Variants in PCDHGA1 observed in about 807,000 individuals in gnomAD.
PCDHGA1 encodes protocadherin gamma subfamily A, 1, also known as protocadherin gamma-A1.
In PCDHGA1, 32 loss-of-function variants were observed where a neutral mutation model predicts 58.0. The observed-to-expected ratio is 0.55, with a 90% CI of 0.42 to 0.74. The LOEUF is 0.74. Ranked by LOEUF, PCDHGA1 falls within the 30% of genes least tolerant of loss-of-function variation. The pLI is 0.00. For missense variants in PCDHGA1, 1,205 were observed against 1,182.3 expected, an observed-to-expected ratio of 1.02 and a Z score of -0.28; for synonymous variants, 498 against 501.1, an observed-to-expected ratio of 0.99 and a Z score of 0.08.
rs201470140 is a variant in PCDHGA1 at position 141,340,536 on chromosome 5, A to T, written c.2421+7431A>T. On this transcript the variant is annotated intron_variant, in intron 1 of 3. Transcript: ENST00000517417. ...CTCTATGCACTGCGCTCCTTTGATT[A>T]TGAGCAGTTGCGAGACTTGCAAGTG... 2.4e-4 allele frequency: 392 copies of T among 1,614,234 alleles called. 4 individuals are homozygous for T. In the Admixed American group the frequency reaches 6.3e-3, roughly 26 times the overall value.
intron 2 of PCDHGA1, among the ~76,000 whole-genome samples, chr5:141,498,789 C>T (rs1302940884): frequency 6.6e-6 from 1 of 151,980 alleles, no homozygotes; most frequent in Non-Finnish European, 1.5e-5. Context: ...AAATATTAGC[C>T]AGGTGTGGTG....
intron 1 of PCDHGA1, chr5:141,418,432 T>A: frequency 6.2e-7 from 1 of 1,613,956 alleles, no homozygotes; most frequent in East Asian, 2.2e-5. Context: ...GTGGCAAATA[T>A]CCAGAATTAG....
At chr5:141,364,779 C>T (rs1036037278) in intron 1 of PCDHGA1, 1 of 1,613,980 alleles carries the variant, frequency 6.2e-7, no homozygotes, top group East Asian at 2.2e-5. Flanking sequence ...GCTGCAGGGA[C>T]ACGGTTAGTG....
At chr5:141,415,569 A>G (rs962518094) in intron 1 of PCDHGA1, 12 of 1,614,092 alleles carry the variant, frequency 7.4e-6, no homozygotes, top group Non-Finnish European at 1.0e-5. Flanking sequence ...TGTCTTTGTT[A>G]GATGATTCGA....
chr5:141,489,991 A>G lies in PCDHGA1; in HGVS notation c.2422-4816A>G, dbSNP rs1157441385. On this transcript the variant is annotated intron_variant, in intron 1 of 3. Coordinates refer to ENST00000517417, the MANE Select transcript of PCDHGA1 (RefSeq NM_018912.3). The surrounding 1 kb of genome is among the most constrained non-coding windows in gnomAD (Gnocchi z 4.5). Reference sequence around the variant, plus strand: ...CCAATCCTCAGTTCTACGTGTGGGAATCCCAGAGAATGCACCCATTGGTAC... The same window carrying G: ...CCAATCCTCAGTTCTACGTGTGGGAGTCCCAGAGAATGCACCCATTGGTAC... The G allele has an allele frequency of 6.2e-7, 1 of 1,614,228 alleles. No individual in the cohort carries two copies. Among genetic ancestry groups the G allele is most frequent in the South Asian group, 1.1e-5 (1 of 91,090 alleles).
chr5:141,366,258 TG>T (rs758170088), intron 1 of PCDHGA1: 16 of 1,613,596 alleles, frequency 9.9e-6, no homozygotes, highest in Non-Finnish European at 1.4e-5. Flanking sequence ...CAGAGCCTCG[TG>T]GTGGCCGTCG....
chr5:141,438,613 TATATATATATATATATATATATAC>T (rs1240061633), intron 1 of PCDHGA1, among the ~76,000 whole-genome samples: 627 of 36,484 alleles, frequency 0.017, 21 homozygotes, highest in African/African-American at 0.051. Flanking sequence ...TATATATATA[TATATATATATATATATATATATAC>T]ACACACACAC....
chr5:141,499,457 T>G (rs1000400491), intron 2 of PCDHGA1, among the ~76,000 whole-genome samples: 1 of 152,214 alleles, frequency 6.6e-6, no homozygotes, highest in African/African-American at 2.4e-5. Context: ...CCCATCATTT[T>G]ACAATCTAGG....
Position 141,395,079 on chromosome 5 carries a change from G to A in PCDHGA1, c.2421+61974G>A, listed in dbSNP as rs777930721. On this transcript the variant is annotated intron_variant, in intron 1 of 3. Coordinates refer to ENST00000517417, the MANE Select transcript of PCDHGA1 (RefSeq NM_018912.3). ...GGCTTTCCTGCAGACCTATTCCCAG[G>A]AAGTCTCCCTCACCGCCGACTCGCG... 4.0e-5 allele frequency: 65 copies of A among 1,614,024 alleles called. 1 individual carries two copies. In the Middle Eastern group the frequency reaches 6.6e-4, roughly 16 times the overall value.
chr5:141,419,785 G>T, intron 1 of PCDHGA1: 2 of 1,614,052 alleles, frequency 1.2e-6, no homozygotes, highest in Non-Finnish European at 1.7e-6. Flanking sequence ...GCCAGCGCCT[G>T]CTAGTCGCTG....
In PCDHGA1 at chr5:141,366,622, G is replaced by GC. The variant is rs757320555; in HGVS notation, c.2421+33517_2421+33518insC. The GC allele has an allele frequency of 1.3e-5, 21 of 1,614,240 alleles. No individual in the cohort carries two copies. The East Asian group carries it at 4.5e-4, about 34-fold the overall frequency. On this transcript the variant is annotated intron_variant, in intron 1 of 3. Coordinates refer to ENST00000517417, the MANE Select transcript of PCDHGA1 (RefSeq NM_018912.3). The stretch of plus-strand genomic sequence containing the variant: ...AGGTCTCCCTCACCGCGGACTCGAG[G>GC]AAGAGTCACCTGATCTTTCCCCAGC...
rs1350019725 is a variant in PCDHGA1 at position 141,331,483 on chromosome 5, A to C, written c.799A>C (p.Thr267Pro). ...TACTCAGCTGCTCATGGTAAATGCC[A>C]CTGACCCTGATGAGGGAGCCAATGG... The part of the protein sequence containing the change: ...LGTQLLMVNA[T>P]DPDEGANGEV... Residue 267 changes from threonine to proline, a missense_variant, in exon 1 of 4, where the codon ACT becomes CCT. Physicochemically the swap from Thr to Pro is conservative, Grantham distance 38 (BLOSUM62 -1). Transcript: ENST00000517417. 6.2e-7 allele frequency: 1 copy of C among 1,614,216 alleles called. No individual in the cohort carries two copies. Among genetic ancestry groups the C allele is most frequent in the South Asian group, 1.1e-5 (1 of 91,088 alleles).
At position 141,490,558 on chromosome 5, in the gene PCDHGA1, A is replaced by G. The variant is rs765890709; in HGVS notation, c.2422-4249A>G. 3.1e-5 allele frequency: 50 copies of G among 1,614,042 alleles called. No individual in the cohort carries two copies. The East Asian group carries it at 1.0e-3, about 34-fold the overall frequency. ...ACCTTCCCTACACAAACATCTCACC[A>G]TCAGGCTCAACATTTCAGATGTCAA... On this transcript the variant is annotated intron_variant, in intron 1 of 3. Transcript: ENST00000517417. This position sits in a 1 kb window ranked among gnomAD's most constrained non-coding sequence, Gnocchi z 5.4.
intron 1 of PCDHGA1, chr5:141,405,448 C>A: frequency 5.3e-6 from 7 of 1,314,660 alleles, no homozygotes; most frequent in South Asian, 1.3e-5. Context: ...GAGACAGAGT[C>A]TTACTCTGTT....
intron 1 of PCDHGA1, among the ~76,000 whole-genome samples, chr5:141,470,504 G>A (rs914828244): frequency 6.6e-6 from 1 of 152,114 alleles, no homozygotes; most frequent in Admixed American, 6.6e-5. Flanking sequence ...TAGGTAATTA[G>A]ACAGTTAGCT....
intron 1 of PCDHGA1, chr5:141,427,753 T>A (rs745532152): frequency 4.5e-6 from 6 of 1,322,510 alleles, no homozygotes; most frequent in Non-Finnish European, 6.4e-6. Flanking sequence ...TACTCCATCG[T>A]TACCACTGAC....
intron 1 of PCDHGA1, chr5:141,357,300 C>G (rs112089502): frequency 2.5e-6 from 4 of 1,614,080 alleles, no homozygotes; most frequent in African/African-American, 2.7e-5. Flanking sequence ...TGGCCGCTGT[C>G]TCCTGCGTCT....
chr5:141,381,826 C>CTTTTTTTTTTT (rs770630741), intron 1 of PCDHGA1, among the ~76,000 whole-genome samples: 13 of 74,276 alleles, frequency 1.8e-4, no homozygotes, highest in South Asian at 5.1e-4. Flanking sequence ...CTTTCTTCTT[C>CTTTTTTTTTTT]TTTTTTTTTT....
intron 1 of PCDHGA1, among the ~76,000 whole-genome samples, chr5:141,445,078 G>T (rs1591839605): frequency 6.6e-6 from 1 of 152,208 alleles, no homozygotes; most frequent in East Asian, 1.9e-4. Flanking sequence ...TCATTAAATT[G>T]TCCCTACATA....
Sources: gnomAD v4.1 joint callset for allele counts (sites outside exome capture counted in the v4.1 genomes callset) on GRCh38, gnomAD v4.1.1 for gene constraint, Gnocchi (gnomAD v3.1) non-coding constraint, MANE v1.5 for transcripts, NCBI Gene and HGNC (gene_info 2026-07-23, HGNC 2026-07-21) for gene names.